The following PGM5 variants were observed in gnomAD, a reference collection of about 807,000 sequenced individuals.
PGM5 encodes phosphoglucomutase-like protein 5.
A neutral mutation model predicts 59.2 loss-of-function variants in PGM5; 23 were observed. The observed-to-expected ratio is 0.39, with a 90% CI of 0.28 to 0.55. The LOEUF is 0.55. Ranked by LOEUF, PGM5 falls within the 20% of genes least tolerant of loss-of-function variation. The probability of loss-of-function intolerance (pLI) is 0.66; values close to 1 mark genes in which losing one functional copy is unlikely to be tolerated. For missense variants in PGM5, 574 were observed against 748.3 expected, an observed-to-expected ratio of 0.77 and a Z score of 2.72; for synonymous variants, 214 against 286.0, an observed-to-expected ratio of 0.75 and a Z score of 2.54.
At chr9:68,489,849 A>G (rs1824361115) in intron 9 of PGM5, among the ~76,000 whole-genome samples, 1 of 152,224 alleles carries the variant, frequency 6.6e-6, no homozygotes, top group African/African-American at 2.4e-5. Context: ...CATACCAGTT[A>G]GGTGATGTGG....
chr9:68,410,561 G>T (rs1907868), intron 6 of PGM5, among the ~76,000 whole-genome samples: 55,457 of 148,246 alleles, frequency 0.37, 10,275 homozygotes, highest in Middle Eastern at 0.43. Flanking sequence ...ATGATGATGA[G>T]GAGGAGGAGG....
intron 8 of PGM5, among the ~76,000 whole-genome samples, chr9:68,482,137 T>C (rs1824206122): frequency 1.3e-5 from 2 of 152,158 alleles, no homozygotes; most frequent in South Asian, 4.1e-4. Context: ...CCTGCTTGTA[T>C]ATGAAGGTGA....
Position 68,484,010 on chromosome 9 carries a change from T to C in PGM5, c.1441T>C (p.Tyr481His). Residue 481 changes from tyrosine (Y) to histidine (H), a missense_variant, in exon 9 of 11, where the codon TAC becomes CAC. Tyr to His is a moderately conservative substitution (Grantham distance 83). Coordinates refer to ENST00000396396, the MANE Select transcript of PGM5 (RefSeq NM_021965.4). ...CGTGGCGAAGACGGATAGTTTTGAATACGTGGACCCTGTGGATGGCACTGT... is the reference window on the plus strand; with the variant it reads ...CGTGGCGAAGACGGATAGTTTTGAACACGTGGACCCTGTGGATGGCACTGT... ...YSVAKTDSFE[Y>H]VDPVDGTVTK... is the part of the protein sequence containing the mutation. The C allele has an allele frequency of 5.0e-6, 8 of 1,613,900 alleles. No homozygotes were observed. Among genetic ancestry groups the C allele is most frequent in the African/African-American group, 1.3e-5 (1 of 75,022 alleles).
intron 1 of PGM5, among the ~76,000 whole-genome samples, chr9:68,365,460 G>A (rs547188304): frequency 6.6e-6 from 1 of 151,474 alleles, no homozygotes; most frequent in East Asian, 1.9e-4. Context: ...AGGATATCTA[G>A]AATATATATG....
chr9:68,384,277 T>G (rs1822157544), intron 2 of PGM5, 121 bp from the exon 3 acceptor site: 1 of 687,430 alleles, frequency 1.5e-6, no homozygotes, highest in East Asian at 2.5e-5. Context: ...CTGTGAACCA[T>G]TGATCATTGT....
chr9:68,502,339 A>C (rs1166151834), intron 10 of PGM5, among the ~76,000 whole-genome samples: 1 of 152,252 alleles, frequency 6.6e-6, no homozygotes, highest in African/African-American at 2.4e-5. Flanking sequence ...AAAAGGGTTT[A>C]AAATCACAGG....
chr9:68,368,110 T>C (rs1220670205), intron 1 of PGM5, among the ~76,000 whole-genome samples: 1 of 152,040 alleles, frequency 6.6e-6, no homozygotes, highest in Non-Finnish European at 1.5e-5. Context: ...TGTGTGCATA[T>C]AGCCCCCCCA....
intron 9 of PGM5, chr9:68,498,036 G>A (rs1554688323): frequency 1.3e-5 from 2 of 152,248 alleles, no homozygotes; most frequent in African/African-American, 4.8e-5. Context: ...AAAGAAGTCA[G>A]GTAAGAAGTG....
chr9:68,483,585 T>C (rs1315964914), intron 8 of PGM5, among the ~76,000 whole-genome samples: 4 of 152,192 alleles, frequency 2.6e-5, no homozygotes, highest in African/African-American at 7.2e-5. Context: ...CAGTGCCTGA[T>C]AGACCAAGGT....
chr9:68,463,461 T>C (rs1554685573), intron 6 of PGM5, among the ~76,000 whole-genome samples: 1 of 152,128 alleles, frequency 6.6e-6, no homozygotes, highest in Admixed American at 6.6e-5. Context: ...TGCTTTGAGA[T>C]CTACATCCTT....
At chr9:68,429,783 C>T (rs1823311373) in intron 6 of PGM5, among the ~76,000 whole-genome samples, 2 of 152,302 alleles carry the variant, frequency 1.3e-5, no homozygotes, top group South Asian at 4.2e-4. Flanking sequence ...TAACAGCTAT[C>T]ACTATATGGA....
intron 1 of PGM5, among the ~76,000 whole-genome samples, chr9:68,363,839 A>T (rs1834628545): frequency 6.6e-6 from 1 of 152,062 alleles, no homozygotes; most frequent in African/African-American, 2.4e-5. Context: ...GTATGACAGG[A>T]TCATTTAATT....
chr9:68,478,161 T>A (rs1376302168), intron 7 of PGM5, among the ~76,000 whole-genome samples: 2 of 152,222 alleles, frequency 1.3e-5, no homozygotes, highest in African/African-American at 4.8e-5. Flanking sequence ...TATAACTGGC[T>A]AACAGACAGA....
intron 1 of PGM5, among the ~76,000 whole-genome samples, chr9:68,370,513 A>G (rs1462172843): frequency 6.6e-6 from 1 of 152,218 alleles, no homozygotes; most frequent in Non-Finnish European, 1.5e-5. Context: ...TCATACTAAA[A>G]CTAGTTTAGG....
intron 2 of PGM5, among the ~76,000 whole-genome samples, chr9:68,382,281 C>A (rs1247543521): frequency 1.3e-5 from 2 of 151,542 alleles, no homozygotes; most frequent in African/African-American, 2.4e-5. Flanking sequence ...AAGAAAAAAA[C>A]CTCTTCAATA....
At chr9:68,418,076 G>A (rs1823065474) in intron 6 of PGM5, among the ~76,000 whole-genome samples, 2 of 152,138 alleles carry the variant, frequency 1.3e-5, no homozygotes, top group African/African-American at 4.8e-5. Flanking sequence ...GAGCTGCTTT[G>A]GGGGCCACCA....
intron 10 of PGM5, among the ~76,000 whole-genome samples, chr9:68,507,262 G>T (rs1282921193): frequency 9.9e-5 from 15 of 152,196 alleles, no homozygotes; most frequent in Non-Finnish European, 1.3e-4. Context: ...ATTCCACTTA[G>T]ACGAGAGGCG....
At chr9:68,460,276 A>G (rs927119161) in intron 6 of PGM5, among the ~76,000 whole-genome samples, 2 of 152,180 alleles carry the variant, frequency 1.3e-5, no homozygotes, top group East Asian at 3.8e-4. Flanking sequence ...GTTAATAAAT[A>G]TTTGAATACC....
chr9:68,386,431 GA>G (rs1195088221), intron 3 of PGM5, among the ~76,000 whole-genome samples: 1 of 151,842 alleles, frequency 6.6e-6, no homozygotes, highest in East Asian at 1.9e-4. Flanking sequence ...TTAAGTGTAA[GA>G]AAAAATATTT....
Sources: allele counts gnomAD v4.1 joint callset (sites outside exome capture counted in the v4.1 genomes callset), GRCh38; gene constraint gnomAD v4.1.1; transcripts MANE v1.5; gene names NCBI Gene and HGNC (gene_info 2026-07-23, HGNC 2026-07-21).